Variants in PLD5 observed in about 807,000 individuals in gnomAD.
PLD5 encodes phospholipase D family member 5.
In PLD5, 36 loss-of-function variants were observed where a neutral mutation model predicts 61.1. That is an observed-to-expected ratio of 0.59 (90% confidence interval 0.45 to 0.78). PLD5 has a LOEUF of 0.78. Among genes scored for constraint, PLD5 ranks in the 30% least tolerant of loss-of-function variants. The probability of loss-of-function intolerance (pLI) is 0.00; values close to 1 mark genes in which losing one functional copy is unlikely to be tolerated. For synonymous variants in PLD5, 243 were observed against 242.8 expected (o/e 1.00, Z -0.01); for missense variants, 515 against 644.4 (o/e 0.80, Z 2.17).
intron 1 of PLD5, among the ~76,000 whole-genome samples, chr1:242,508,764 T>G (rs1465598410): frequency 6.6e-6 from 1 of 152,076 alleles, no homozygotes; most frequent in African/African-American, 2.4e-5. Context: ...AGTAGCCTAA[T>G]AAAATAATAA....
intron 8 of PLD5, among the ~76,000 whole-genome samples, chr1:242,103,720 T>C (rs1660851063): frequency 6.6e-6 from 1 of 152,202 alleles, no homozygotes; most frequent in African/African-American, 2.4e-5. Flanking sequence ...GTTTCATTTA[T>C]TTGAAAATCT....
intron 1 of PLD5, among the ~76,000 whole-genome samples, chr1:242,481,783 G>A (rs1007254752): frequency 2.6e-5 from 4 of 152,202 alleles, no homozygotes; most frequent in Non-Finnish European, 5.9e-5. Context: ...CCTGACCCCT[G>A]AGTAGCCTAA....
chr1:242,457,006 G>A (rs1227758963), intron 1 of PLD5, among the ~76,000 whole-genome samples: 5 of 152,142 alleles, frequency 3.3e-5, no homozygotes, highest in South Asian at 2.1e-4. Flanking sequence ...GAACACTCTC[G>A]CTTATTCTGT....
At position 242,256,043 on chromosome 1, in the gene PLD5, T is replaced by A. The variant is rs1403521670; in HGVS notation, c.607+9294A>T. On this transcript the variant is annotated intron_variant, in intron 4 of 9. Transcript: ENST00000536534. This position sits in a 1 kb window ranked among gnomAD's most constrained non-coding sequence, Gnocchi z 5.7. ...TTAGGTCCCTGTGGCTATTGGTTAT[T>A]CACTAATATGGGTAAGGCTCTGTCT... 6.6e-6 allele frequency among the ~76,000 whole-genome samples: 1 copy of A among 152,224 alleles called. No individual in the cohort carries two copies.
chr1:242,312,332 G>A (rs1286178507), intron 2 of PLD5, among the ~76,000 whole-genome samples: 3 of 151,822 alleles, frequency 2.0e-5, no homozygotes, highest in Non-Finnish European at 4.4e-5. Flanking sequence ...CTGACTCTAA[G>A]CAGAGGAAGA....
At chr1:242,242,139 C>T (rs1672097216) in intron 4 of PLD5, among the ~76,000 whole-genome samples, 1 of 151,322 alleles carries the variant, frequency 6.6e-6, no homozygotes, top group African/African-American at 2.4e-5. Flanking sequence ...ACCTCAACAG[C>T]GTCTGGCACA....
chr1:242,299,998 G>C (rs540894693), intron 2 of PLD5, among the ~76,000 whole-genome samples: 3 of 152,322 alleles, frequency 2.0e-5, no homozygotes, highest in East Asian at 3.9e-4. Context: ...GCAGGTGTGA[G>C]AAGTAAGTAG....
rs144697574 is a variant in PLD5 at position 242,085,899 on chromosome 1, G to T, written c.*3955C>A. On this transcript the variant is annotated 3_prime_UTR_variant, in exon 10 of 10. Coordinates refer to ENST00000536534, the MANE Select transcript of PLD5 (RefSeq NM_001372062.1). ...GGAAAAAAAAAAAAGTTAATTGTAG[G>T]ATAGAATTCCTGAGACAGATAGACC... The T allele has an allele frequency of 5.3e-3, 811 of 151,988 alleles. 5 individuals are homozygous for T. The highest frequency in any genetic ancestry group is 0.018 in the African/African-American group (767 of 41,502). 9.4% of individuals were successfully genotyped at this position (151,988 alleles called of 1,614,324 possible).
At chr1:242,394,092 G>A (rs1246348135) in intron 1 of PLD5, among the ~76,000 whole-genome samples, 1 of 80,276 alleles carries the variant, frequency 1.2e-5, no homozygotes, top group African/African-American at 4.2e-5. Flanking sequence ...GTATATATAT[G>A]TATATATGTG....
intron 3 of PLD5, among the ~76,000 whole-genome samples, chr1:242,269,292 G>A (rs1247947986): frequency 3.3e-5 from 5 of 152,114 alleles, no homozygotes; most frequent in South Asian, 4.1e-4. Flanking sequence ...TCTCAGGAAC[G>A]CTGACCTACT....
intron 1 of PLD5, among the ~76,000 whole-genome samples, chr1:242,375,688 A>C (rs1309247945): frequency 1.3e-5 from 2 of 152,246 alleles, no homozygotes; most frequent in East Asian, 1.9e-4. Flanking sequence ...CAAAACCAAA[A>C]AATAGAACTC....
intron 1 of PLD5, among the ~76,000 whole-genome samples, chr1:242,465,738 C>A (rs910866892): frequency 5.9e-5 from 9 of 152,114 alleles, no homozygotes; most frequent in African/African-American, 9.7e-5. Flanking sequence ...ACTGGCCTGG[C>A]CAAGATGGCG....
chr1:242,335,073 G>A lies in PLD5; in HGVS notation c.326+13033C>T, dbSNP rs188506979. On this transcript the variant is annotated intron_variant, in intron 2 of 9. Coordinates refer to ENST00000536534, the MANE Select transcript of PLD5 (RefSeq NM_001372062.1). ...TCTACAGTTTTTATTTTATTTCTGT[G>A]AGACCCCATCCACATGCATATGAAA... Among the ~76,000 whole-genome samples the A allele has an allele frequency of 1.5e-3, 224 of 151,750 alleles. 1 individual carries two copies. Among genetic ancestry groups the A allele is most frequent in the Non-Finnish European group, 3.4e-4 (23 of 67,918 alleles).
intron 2 of PLD5, among the ~76,000 whole-genome samples, chr1:242,296,417 T>A (rs917799982): frequency 1.3e-5 from 2 of 152,344 alleles, no homozygotes; most frequent in African/African-American, 4.8e-5. Context: ...TTTGTTACAT[T>A]TGCTTTTGAG....
intron 3 of PLD5, among the ~76,000 whole-genome samples, chr1:242,266,140 C>G (rs1369551639): frequency 6.6e-6 from 1 of 152,242 alleles, no homozygotes; most frequent in East Asian, 1.9e-4. Context: ...CTTTGGGAGG[C>G]TGAGGCAGGT....
intron 1 of PLD5, among the ~76,000 whole-genome samples, chr1:242,460,897 T>C (rs1157017031): frequency 6.7e-6 from 1 of 150,168 alleles, no homozygotes; most frequent in African/African-American, 2.5e-5. Context: ...CCCAGAACTT[T>C]GTGAGGCCAA....
chr1:242,374,684 G>A (rs1227208582), intron 1 of PLD5, among the ~76,000 whole-genome samples: 2 of 152,134 alleles, frequency 1.3e-5, no homozygotes, highest in African/African-American at 4.8e-5. Flanking sequence ...AGGAAGAAAC[G>A]TTACACAGAG....
intron 1 of PLD5, among the ~76,000 whole-genome samples, chr1:242,457,944 G>A (rs1558581803): frequency 1.3e-5 from 2 of 152,172 alleles, no homozygotes; most frequent in South Asian, 2.1e-4. Flanking sequence ...GTAGATGATC[G>A]TTGTCCTGAC....
At chr1:242,326,870 CTT>C (rs762711570) in intron 2 of PLD5, among the ~76,000 whole-genome samples, 1 of 145,886 alleles carries the variant, frequency 6.9e-6, no homozygotes, top group Admixed American at 6.9e-5. Context: ...CCACATCTGC[CTT>C]TTTTTTTTTC....
Sources: gnomAD v4.1 joint callset for allele counts (sites outside exome capture counted in the v4.1 genomes callset) on GRCh38, gnomAD v4.1.1 for gene constraint, Gnocchi (gnomAD v3.1) non-coding constraint, MANE v1.5 for transcripts, NCBI Gene and HGNC (gene_info 2026-07-23, HGNC 2026-07-21) for gene names.